Variants in TAF3 observed in about 807,000 individuals in gnomAD.
TAF3 encodes transcription initiation factor TFIID subunit 3.
A neutral mutation model predicts 80.6 loss-of-function variants in TAF3; 7 were observed. That is an observed-to-expected ratio of 0.09 (90% CI 0.05 to 0.16). The LOEUF is 0.16. TAF3 is among the 10% of genes least tolerant of loss of function. The pLI, the probability that TAF3 is intolerant of heterozygous loss-of-function variation, is 1.00. For missense variants in TAF3, 921 were observed against 1,140.2 expected, an observed-to-expected ratio of 0.81 and a Z score of 2.77; for synonymous variants, 444 against 446.1, an observed-to-expected ratio of 1.00 and a Z score of 0.06.
chr10:7,879,345 A>G (rs754758576), intron 2 of TAF3, among the ~76,000 whole-genome samples: 1 of 152,200 alleles, frequency 6.6e-6, no homozygotes, highest in Non-Finnish European at 1.5e-5. Flanking sequence ...AAACGTAACT[A>G]TGGTTTCAGT....
chr10:7,835,013 G>A (rs1415780504), intron 2 of TAF3, among the ~76,000 whole-genome samples: 1 of 152,096 alleles, frequency 6.6e-6, no homozygotes, highest in African/African-American at 2.4e-5. Flanking sequence ...TTTCGAGTGT[G>A]TGTTTCTCTC....
chr10:7,964,526 C>T lies in TAF3; in HGVS notation c.1016C>T (p.Thr339Met), dbSNP rs753695849. 48 of 1,613,308 alleles carry T rather than the reference C, an allele frequency of 3.0e-5. No individual in the cohort carries two copies. The highest frequency in any genetic ancestry group is 3.6e-5 in the Non-Finnish European group (43 of 1,179,730). Residue 339 changes from threonine (T) to methionine (M), a missense_variant, in exon 3 of 7, where the codon ACG (threonine) becomes ATG (methionine). Transcript: ENST00000344293. The surrounding 1 kb of genome is among the most constrained non-coding windows in gnomAD (Gnocchi z 4.1). ...HIPQTPVRPE[T>M]PNRTPSATLS... Reference sequence around the variant, plus strand: ...CCCCAAACACCTGTGAGACCTGAAACGCCCAACAGGACTCCTTCAGCTACA... The same window carrying T: ...CCCCAAACACCTGTGAGACCTGAAATGCCCAACAGGACTCCTTCAGCTACA...
intron 6 of TAF3, 69 bp downstream of exon 6, chr10:8,013,906 C>A: frequency 7.6e-7 from 1 of 1,310,190 alleles, no homozygotes; most frequent in Non-Finnish European, 1.1e-6. Context: ...GATGAAGCAT[C>A]CACTGAGTAG....
intron 1 of TAF3, among the ~76,000 whole-genome samples, chr10:7,822,098 G>C (rs1329003312): frequency 6.6e-6 from 1 of 152,138 alleles, no homozygotes; most frequent in East Asian, 1.9e-4. Context: ...CTCCTAAGTA[G>C]GGGAATAGTA....
intron 2 of TAF3, among the ~76,000 whole-genome samples, chr10:7,849,327 A>C (rs1244484): frequency 0.96 from 146,188 of 152,202 alleles, 70,486 homozygotes; most frequent in East Asian, 1. Context: ...TCTTTAGATT[A>C]TATTACTACA....
At chr10:7,946,207 A>G (rs1465953698) in intron 2 of TAF3, among the ~76,000 whole-genome samples, 2 of 152,100 alleles carry the variant, frequency 1.3e-5, no homozygotes, top group African/African-American at 4.8e-5. Context: ...ACTCTTTCCC[A>G]TGATCCATGA....
At chr10:8,013,867 A>G (rs1417783816) in intron 6 of TAF3, 30 bp downstream of exon 6, 7 of 1,580,600 alleles carry the variant, frequency 4.4e-6, no homozygotes, top group Non-Finnish European at 6.1e-6. Context: ...TGCCGGCCAC[A>G]CTCATTAGGC....
chr10:8,010,847 G>A (rs1027859266), intron 5 of TAF3, among the ~76,000 whole-genome samples: 3 of 152,172 alleles, frequency 2.0e-5, no homozygotes, highest in Non-Finnish European at 4.4e-5. Flanking sequence ...GGCAGAGCTT[G>A]CAGTGAGCCA....
intron 2 of TAF3, among the ~76,000 whole-genome samples, chr10:7,949,518 A>T (rs996226383): frequency 6.6e-6 from 1 of 152,242 alleles, no homozygotes; most frequent in Non-Finnish European, 1.5e-5. Context: ...CTTCTTTGAC[A>T]CTTGGATTTT....
intron 2 of TAF3, among the ~76,000 whole-genome samples, chr10:7,865,391 A>C (rs1309735827): frequency 6.6e-6 from 1 of 152,134 alleles, no homozygotes; most frequent in African/African-American, 2.4e-5. Flanking sequence ...AGGCAGGAGA[A>C]TGGTGTGAAC....
intron 2 of TAF3, among the ~76,000 whole-genome samples, chr10:7,943,131 C>T (rs929834875): frequency 1.3e-5 from 2 of 152,170 alleles, no homozygotes; most frequent in Admixed American, 6.5e-5. Context: ...CCTGTGGTTC[C>T]GGTTCCCTGT....
At chr10:7,976,249 C>CT (rs1042340982) in intron 3 of TAF3, among the ~76,000 whole-genome samples, 1,540 of 139,730 alleles carry the variant, frequency 0.011, 18 homozygotes, top group African/African-American at 0.031. Context: ...TTTCTTTTTT[C>CT]TTTTTTTTTT....
At chr10:7,973,093 C>G (rs1415731810) in intron 3 of TAF3, among the ~76,000 whole-genome samples, 1 of 152,182 alleles carries the variant, frequency 6.6e-6, no homozygotes, top group South Asian at 2.1e-4. Flanking sequence ...AGCACTTACT[C>G]CTTCTGAGCT....
intron 2 of TAF3, among the ~76,000 whole-genome samples, chr10:7,851,441 G>A (rs1467226988): frequency 6.6e-6 from 1 of 152,210 alleles, no homozygotes; most frequent in African/African-American, 2.4e-5. Context: ...ATCATGGCAG[G>A]CCTTGTGGCA....
At chr10:8,010,006 G>A (rs112971085) in intron 5 of TAF3, among the ~76,000 whole-genome samples, 2,091 of 151,968 alleles carry the variant, frequency 0.014, 44 homozygotes, top group African/African-American at 0.041. Context: ...CTGCCTCCCA[G>A]GCTCAAGCGA....
intron 2 of TAF3, among the ~76,000 whole-genome samples, chr10:7,946,421 A>C (rs1244348103): frequency 6.6e-6 from 1 of 152,178 alleles, no homozygotes; most frequent in Admixed American, 6.5e-5. Flanking sequence ...TAGTTGCTTC[A>C]TTCTATTTAA....
At chr10:7,933,182 C>T (rs1284632805) in intron 2 of TAF3, among the ~76,000 whole-genome samples, 2 of 152,090 alleles carry the variant, frequency 1.3e-5, no homozygotes, top group African/African-American at 4.8e-5. Context: ...GTTATTGAAA[C>T]AGTTAACATG....
rs756658461 is a variant in TAF3 at position 8,006,376 on chromosome 10, CA to C, written c.2316-2690del. 1.2e-3 allele frequency among the ~76,000 whole-genome samples: 172 copies of C among 140,200 alleles called. 1 individual carries two copies. Among genetic ancestry groups the C allele is most frequent in the African/African-American group, 2.8e-3 (106 of 38,374 alleles). 92.0% of individuals were successfully genotyped at this position (140,200 alleles called of 152,430 possible). ...AGGCAACAAGAGTGAAACTCCATCT[CA>C]AAAAAAAAAAACCTAGATAAGGCAA... On this transcript the variant is annotated intron_variant, in intron 4 of 6. Coordinates refer to ENST00000344293, the MANE Select transcript of TAF3 (RefSeq NM_031923.4).
intron 2 of TAF3, among the ~76,000 whole-genome samples, chr10:7,899,218 C>A (rs901707080): frequency 6.6e-6 from 1 of 152,190 alleles, no homozygotes; most frequent in Non-Finnish European, 1.5e-5. Context: ...CAGTCTCCCT[C>A]GATCTGGAGC....
Sources: gnomAD v4.1 joint callset for allele counts (sites outside exome capture counted in the v4.1 genomes callset) on GRCh38, gnomAD v4.1.1 for gene constraint, Gnocchi (gnomAD v3.1) non-coding constraint, MANE v1.5 for transcripts, NCBI Gene and HGNC (gene_info 2026-07-23, HGNC 2026-07-21) for gene names.